Variants in AGBL4 observed in about 807,000 individuals in gnomAD.
The protein encoded by AGBL4 is AGBL carboxypeptidase 4, also known as cytosolic carboxypeptidase 6.
AGBL4 carries 58 observed loss-of-function variants against 66.4 expected under a neutral mutation model. The ratio of observed to expected loss-of-function variants is 0.87; its 90% CI spans 0.71 to 1.09. The LOEUF (loss-of-function observed/expected upper bound fraction) is 1.09. Ranked by LOEUF, AGBL4 falls within the 50% of genes least tolerant of loss-of-function variation. The probability of loss-of-function intolerance (pLI) is 0.00; values close to 1 mark genes in which losing one functional copy is unlikely to be tolerated. For missense variants in AGBL4, 579 were observed against 631.0 expected, an observed-to-expected ratio of 0.92 and a Z score of 0.88; for synonymous variants, 234 against 222.9, an observed-to-expected ratio of 1.05 and a Z score of -0.44.
At chr1:49,304,003 T>G (rs1228506321) in intron 3 of AGBL4, among the ~76,000 whole-genome samples, 2 of 152,216 alleles carry the variant, frequency 1.3e-5, no homozygotes, top group Non-Finnish European at 1.5e-5. Context: ...CACTTGTCAA[T>G]TTTTGCTTTT....
chr1:48,859,754 G>A (rs975156273), intron 6 of AGBL4, among the ~76,000 whole-genome samples: 1 of 152,214 alleles, frequency 6.6e-6, no homozygotes, highest in Non-Finnish European at 1.5e-5. Flanking sequence ...GTCACAACTA[G>A]TGAATGATGT....
chr1:49,604,428 A>T (rs1645026370), intron 3 of AGBL4, among the ~76,000 whole-genome samples: 1 of 151,986 alleles, frequency 6.6e-6, no homozygotes, highest in African/African-American at 2.4e-5. Flanking sequence ...GGGTTATTTT[A>T]TTCATGCTGA....
At chr1:49,773,384 T>TA (rs1644113925) in intron 2 of AGBL4, among the ~76,000 whole-genome samples, 1 of 152,208 alleles carries the variant, frequency 6.6e-6, no homozygotes, top group East Asian at 1.9e-4. Context: ...TGACTCTACA[T>TA]ATCTGCACAT....
chr1:49,489,275 T>G (rs1466856614), intron 3 of AGBL4, among the ~76,000 whole-genome samples: 2 of 151,992 alleles, frequency 1.3e-5, no homozygotes, highest in Non-Finnish European at 2.9e-5. Context: ...ATTTCCCTAA[T>G]GATCAATGAT....
intron 4 of AGBL4, among the ~76,000 whole-genome samples, chr1:49,168,148 C>T (rs1243537601): frequency 6.6e-6 from 1 of 152,110 alleles, no homozygotes; most frequent in African/African-American, 2.4e-5. Flanking sequence ...TACCTAAGAA[C>T]ACTAAACCAT....
At chr1:49,896,625 ACACACACACAC>A (rs1649239707) in intron 1 of AGBL4, among the ~76,000 whole-genome samples, 1 of 147,214 alleles carries the variant, frequency 6.8e-6, no homozygotes, top group Non-Finnish European at 1.5e-5. Context: ...ACACACACAC[ACACACACACAC>A]ACACACACAC....
intron 3 of AGBL4, among the ~76,000 whole-genome samples, chr1:49,301,036 G>T (rs980428071): frequency 6.6e-6 from 1 of 152,130 alleles, no homozygotes; most frequent in Non-Finnish European, 1.5e-5. Context: ...TGAGGACAAG[G>T]AGCATGTCTT....
intron 2 of AGBL4, among the ~76,000 whole-genome samples, chr1:49,836,350 T>G (rs1209100574): frequency 5.3e-5 from 8 of 152,160 alleles, no homozygotes; most frequent in Non-Finnish European, 2.9e-5. Context: ...GATATTCTTT[T>G]TCCGCTTGAT....
intron 3 of AGBL4, among the ~76,000 whole-genome samples, chr1:49,290,362 A>G (rs1213261143): frequency 1.3e-5 from 2 of 152,318 alleles, no homozygotes; most frequent in African/African-American, 2.4e-5. Flanking sequence ...TTCTCATTTT[A>G]GATGACAGGA....
At chr1:49,381,486 C>T (rs11806465) in intron 3 of AGBL4, among the ~76,000 whole-genome samples, 8,045 of 152,112 alleles carry the variant, frequency 0.053, 238 homozygotes, top group African/African-American at 0.07. Context: ...CCCAGCCATC[C>T]CATTACTGGG....
At chr1:49,571,305 C>T (rs1422506093) in intron 3 of AGBL4, among the ~76,000 whole-genome samples, 2 of 151,820 alleles carry the variant, frequency 1.3e-5, no homozygotes, top group Non-Finnish European at 2.9e-5. Flanking sequence ...TTTTTCACTT[C>T]CTTGCTTAGA....
At chr1:49,619,948 T>C (rs529997362) in intron 3 of AGBL4, among the ~76,000 whole-genome samples, 1 of 152,302 alleles carries the variant, frequency 6.6e-6, no homozygotes, top group Non-Finnish European at 1.5e-5. Flanking sequence ...ACCCCTTCCC[T>C]ACATCTTATA....
intron 3 of AGBL4, among the ~76,000 whole-genome samples, chr1:49,672,601 T>A (rs943198683): frequency 7.3e-5 from 11 of 151,128 alleles, no homozygotes; most frequent in African/African-American, 2.7e-4. Flanking sequence ...AATTAAAAAT[T>A]GATGAAACCA....
intron 3 of AGBL4, among the ~76,000 whole-genome samples, chr1:49,642,839 C>A (rs1645810422): frequency 6.6e-6 from 1 of 151,972 alleles, no homozygotes; most frequent in East Asian, 1.9e-4. Context: ...TTCTGGGAAA[C>A]TTGACTGCAT....
At chr1:49,453,276 A>C (rs1286958879) in intron 3 of AGBL4, among the ~76,000 whole-genome samples, 6 of 151,878 alleles carry the variant, frequency 4.0e-5, no homozygotes, top group Non-Finnish European at 5.9e-5. Context: ...CAATGGGAAA[A>C]TAAAACTGTT....
chr1:48,748,733 T>TA (rs1651167947), intron 6 of AGBL4, among the ~76,000 whole-genome samples: 1 of 152,048 alleles, frequency 6.6e-6, no homozygotes, highest in Non-Finnish European at 1.5e-5. Flanking sequence ...CACTGCCGGT[T>TA]AAGGGATCCT....
chr1:48,675,198 C>T (rs566137203), intron 6 of AGBL4, among the ~76,000 whole-genome samples: 1 of 152,192 alleles, frequency 6.6e-6, no homozygotes, highest in African/African-American at 2.4e-5. Context: ...TCACTCCCAC[C>T]AATTCCTTAC....
intron 6 of AGBL4, among the ~76,000 whole-genome samples, chr1:48,829,143 T>C (rs1295407170): frequency 6.6e-6 from 1 of 152,194 alleles, no homozygotes; most frequent in Non-Finnish European, 1.5e-5. Flanking sequence ...CATGAGCACT[T>C]GCCATATGCC....
At chr1:48,971,519 A>G (rs1658903174) in intron 5 of AGBL4, among the ~76,000 whole-genome samples, 1 of 152,148 alleles carries the variant, frequency 6.6e-6, no homozygotes, top group Admixed American at 6.5e-5. Flanking sequence ...AATAATATGG[A>G]CGGTTGACTT....
Sources: allele counts gnomAD v4.1 joint callset (sites outside exome capture counted in the v4.1 genomes callset), GRCh38; gene constraint gnomAD v4.1.1; transcripts MANE v1.5; gene names NCBI Gene and HGNC (gene_info 2026-07-23, HGNC 2026-07-21).